Variants in HACE1 observed in about 807,000 individuals in gnomAD.
HACE1 encodes E3 ubiquitin-protein ligase HACE1.
HACE1 carries 73 observed loss-of-function variants against 118.4 expected under a neutral mutation model. The ratio of observed to expected loss-of-function variants is 0.62; its 90% CI spans 0.51 to 0.75. The LOEUF is 0.75. Ranked by LOEUF, HACE1 falls within the 30% of genes least tolerant of loss-of-function variation. HACE1 has a pLI of 0.00. For synonymous variants in HACE1, 368 were observed against 374.8 expected (o/e 0.98, Z 0.21); for missense variants, 749 against 1,102.2 (o/e 0.68, Z 4.54).
Position 104,750,486 on chromosome 6 carries a change from A to T in HACE1, c.2212-14T>A, listed in dbSNP as rs747411958. ...GACGTACTCCGCCTGTTGAAAAAGAAGTTTTCATGATGACTTTTCAAAAAC... is the reference window on the plus strand; with the variant it reads ...GACGTACTCCGCCTGTTGAAAAAGATGTTTTCATGATGACTTTTCAAAAAC... On this transcript the variant is annotated splice_polypyrimidine_tract_variant and intron_variant, in intron 19 of 23. Transcript: ENST00000262903. 2 of 1,611,584 alleles carry T rather than the reference A, an allele frequency of 1.2e-6. No individual in the cohort carries two copies. Among genetic ancestry groups the T allele is most frequent in the South Asian group, 2.2e-5 (2 of 90,980 alleles).
chr6:104,849,812 C>A (rs1465560468), intron 3 of HACE1, among the ~76,000 whole-genome samples: 1 of 151,726 alleles, frequency 6.6e-6, no homozygotes, highest in African/African-American at 2.4e-5. Context: ...CCATGCCAGG[C>A]TACTTTTTTT....
chr6:104,730,820 T>C (rs1775122634), intron 22 of HACE1: 2 of 191,906 alleles, frequency 1.0e-5, no homozygotes, highest in Admixed American at 5.4e-5. Context: ...TAAATGTTTG[T>C]TGAATAGATT....
Position 104,729,643 on chromosome 6 carries a change from A to T in HACE1, c.*19T>A. ...TTCTGAATTGTGCATCAGTAGTCAG[A>T]GGAGTTTTCCAGACTTCATTATGCC... On this transcript the variant is annotated 3_prime_UTR_variant, in exon 24 of 24. Transcript: ENST00000262903. 1 of 1,108,842 alleles carries T rather than the reference A, an allele frequency of 9.0e-7. No individual in the cohort carries two copies. The highest frequency in any genetic ancestry group is 1.4e-6 in the Non-Finnish European group (1 of 718,510). 68.7% of individuals were successfully genotyped at this position (1,108,842 alleles called of 1,614,324 possible).
At chr6:104,770,803 T>C (rs1780516882) in intron 19 of HACE1, among the ~76,000 whole-genome samples, 1 of 152,218 alleles carries the variant, frequency 6.6e-6, no homozygotes, top group Non-Finnish European at 1.5e-5. Context: ...CAAAAGTATG[T>C]GGAAAGCTTA....
chr6:104,831,908 A>G (rs1345249534), intron 6 of HACE1, among the ~76,000 whole-genome samples: 1 of 117,090 alleles, frequency 8.5e-6, no homozygotes, highest in Non-Finnish European at 1.9e-5. Context: ...AGAGAGAGAA[A>G]GAAAAGAGAA....
At chr6:104,763,499 T>G (rs1431763650) in intron 19 of HACE1, among the ~76,000 whole-genome samples, 1 of 152,126 alleles carries the variant, frequency 6.6e-6, no homozygotes, top group Non-Finnish European at 1.5e-5. Context: ...AGACACAATC[T>G]GTGGTTGTTT....
chr6:104,850,495 C>T (rs902624384), intron 3 of HACE1, among the ~76,000 whole-genome samples: 2 of 152,156 alleles, frequency 1.3e-5, no homozygotes, highest in Non-Finnish European at 2.9e-5. Context: ...AATTAGTTAA[C>T]TGATTGATTA....
intron 19 of HACE1, 93 bp from the exon 20 acceptor site, chr6:104,750,565 T>A: frequency 8.4e-7 from 1 of 1,186,348 alleles, no homozygotes; most frequent in Non-Finnish European, 1.2e-6. Context: ...GGTAAAGGTT[T>A]AAAATAAAAT....
intron 7 of HACE1, among the ~76,000 whole-genome samples, chr6:104,806,290 T>G (rs1018610472): frequency 2.6e-5 from 4 of 152,182 alleles, no homozygotes; most frequent in African/African-American, 9.6e-5. Flanking sequence ...ACCTTGACTT[T>G]ATTAAAAATA....
At chr6:104,756,349 T>C (rs1432067350) in intron 19 of HACE1, among the ~76,000 whole-genome samples, 2 of 148,378 alleles carry the variant, frequency 1.3e-5, no homozygotes, top group Admixed American at 6.7e-5. Flanking sequence ...TAGGCAGAGG[T>C]TGCAGTGAGC....
chr6:104,750,309 G>T (rs771232008), intron 20 of HACE1, 32 bp downstream of exon 20: 10 of 1,576,778 alleles, frequency 6.3e-6, no homozygotes, highest in Non-Finnish European at 8.7e-6. Flanking sequence ...TTGTTGTTGT[G>T]TTACAACATA....
chr6:104,784,875 A>G, intron 12 of HACE1, 110 bp downstream of exon 12: 1 of 757,370 alleles, frequency 1.3e-6, no homozygotes, highest in African/African-American at 1.8e-5. Context: ...AAACAAGGAG[A>G]AAACTTTAAA....
At chr6:104,843,370 A>C (rs1410074929) in intron 4 of HACE1, 72 bp from the exon 5 acceptor site, 6 of 785,446 alleles carry the variant, frequency 7.6e-6, no homozygotes, top group Non-Finnish European at 1.4e-5. Context: ...ATTTACTGAA[A>C]TATTAGCAAC....
At chr6:104,856,429 TTTTA>T (rs1776720490) in intron 1 of HACE1, among the ~76,000 whole-genome samples, 1 of 147,390 alleles carries the variant, frequency 6.8e-6, no homozygotes, top group South Asian at 2.1e-4. Context: ...TACACCTTCC[TTTTA>T]TTTATGTGTT....
chr6:104,829,171 G>C (rs1773616181), intron 6 of HACE1, among the ~76,000 whole-genome samples: 1 of 151,996 alleles, frequency 6.6e-6, no homozygotes, highest in Non-Finnish European at 1.5e-5. Flanking sequence ...CACCAGTTCT[G>C]AACAACAAAA....
At chr6:104,734,220 C>T (rs959678054) in intron 22 of HACE1, among the ~76,000 whole-genome samples, 4 of 151,200 alleles carry the variant, frequency 2.6e-5, no homozygotes, top group Admixed American at 2.0e-4. Flanking sequence ...TTAAGATGGC[C>T]TTATAGAGCA....
intron 19 of HACE1, among the ~76,000 whole-genome samples, chr6:104,763,836 G>A (rs117288598): frequency 0.052 from 7,870 of 152,122 alleles, 285 homozygotes; most frequent in Non-Finnish European, 0.074. Flanking sequence ...GATCACTTGG[G>A]GTCAGGATAT....
At chr6:104,849,561 T>A (rs1018042541) in intron 3 of HACE1, among the ~76,000 whole-genome samples, 1 of 151,844 alleles carries the variant, frequency 6.6e-6, no homozygotes, top group Non-Finnish European at 1.5e-5. Context: ...CAGGCTGATT[T>A]CAAACTCCTG....
At chr6:104,842,845 C>T (rs1361857727) in intron 5 of HACE1, among the ~76,000 whole-genome samples, 1 of 152,180 alleles carries the variant, frequency 6.6e-6, no homozygotes, top group Non-Finnish European at 1.5e-5. Context: ...GGTGCGGTGG[C>T]TCACGCCTAT....
Sources: allele counts gnomAD v4.1 joint callset (sites outside exome capture counted in the v4.1 genomes callset), GRCh38; gene constraint gnomAD v4.1.1; transcripts MANE v1.5; gene names NCBI Gene and HGNC (gene_info 2026-07-23, HGNC 2026-07-21).